The following NPAS3 variants were observed in gnomAD, a reference collection of about 807,000 sequenced individuals.
NPAS3 encodes the protein neuronal PAS domain-containing protein 3.
A neutral mutation model predicts 73.1 loss-of-function variants in NPAS3; 14 were observed. The ratio of observed to expected loss-of-function variants is 0.19; its 90% CI spans 0.13 to 0.30. The LOEUF is 0.30. NPAS3 is among the 10% of genes least tolerant of loss of function. NPAS3 has a pLI of 1.00. For missense variants in NPAS3, 1,096 were observed against 1,250.0 expected, an observed-to-expected ratio of 0.88 and a Z score of 1.86; for synonymous variants, 620 against 541.5, an observed-to-expected ratio of 1.14 and a Z score of -2.01.
At chr14:33,787,952 G>GA (rs202163480) in intron 9 of NPAS3, among the ~76,000 whole-genome samples, 32 of 151,078 alleles carry the variant, frequency 2.1e-4, no homozygotes, top group African/African-American at 7.0e-4. Context: ...GAATTAAAAA[G>GA]AAAAAAAAGG....
intron 2 of NPAS3, among the ~76,000 whole-genome samples, chr14:33,069,139 G>C (rs116339092): frequency 6.6e-6 from 1 of 152,186 alleles, no homozygotes; most frequent in Non-Finnish European, 1.5e-5. Context: ...GGTGTGATTT[G>C]TACCAAGACG....
chr14:33,145,704 T>A (rs577219672), intron 2 of NPAS3, among the ~76,000 whole-genome samples: 142 of 152,278 alleles, frequency 9.3e-4, no homozygotes, highest in African/African-American at 3.2e-3. Flanking sequence ...TGTGTCCTTT[T>A]TGTTTTTCCT....
chr14:33,325,224 T>C lies in NPAS3; in HGVS notation c.386-41962T>C, dbSNP rs1221243021. Among the ~76,000 whole-genome samples the C allele has an allele frequency of 3.9e-5, 6 of 152,286 alleles. No individual in the cohort carries two copies. The East Asian group carries it at 1.2e-3, about 29-fold the overall frequency. On this transcript the variant is annotated intron_variant, in intron 3 of 11. Transcript: ENST00000356141. ...TCCATGTGTATATTTATGGGGTTCATGAGATATTTTGATATAGGCGTGCAG... is the reference window on the plus strand; with the variant it reads ...TCCATGTGTATATTTATGGGGTTCACGAGATATTTTGATATAGGCGTGCAG...
At chr14:33,309,610 A>T (rs1282106708) in intron 3 of NPAS3, among the ~76,000 whole-genome samples, 1 of 152,180 alleles carries the variant, frequency 6.6e-6, no homozygotes, top group Non-Finnish European at 1.5e-5. Flanking sequence ...CCTTTTCTCC[A>T]AATGGGCTGT....
chr14:33,418,561 C>A (rs1359309395), intron 4 of NPAS3, among the ~76,000 whole-genome samples: 2 of 152,012 alleles, frequency 1.3e-5, no homozygotes, highest in Admixed American at 6.6e-5. Context: ...CTCTTACATT[C>A]TTTTCTATAA....
chr14:32,970,575 C>T (rs183515460), intron 1 of NPAS3, among the ~76,000 whole-genome samples: 1 of 152,248 alleles, frequency 6.6e-6, no homozygotes, highest in East Asian at 1.9e-4. Context: ...AACTGGGTGG[C>T]TTAAACAGTG....
intron 6 of NPAS3, among the ~76,000 whole-genome samples, chr14:33,692,357 G>T (rs933216513): frequency 5.3e-5 from 8 of 152,080 alleles, no homozygotes; most frequent in African/African-American, 1.9e-4. Context: ...GTTTCGAAAA[G>T]ATTAAGATTT....
chr14:33,512,415 C>G (rs892211798), intron 4 of NPAS3, among the ~76,000 whole-genome samples: 1 of 151,966 alleles, frequency 6.6e-6, no homozygotes, highest in Admixed American at 6.6e-5. Context: ...TGATCTGAAA[C>G]AAGAAGAAGC....
chr14:33,429,036 G>A (rs1413399390), intron 4 of NPAS3, among the ~76,000 whole-genome samples: 1 of 152,050 alleles, frequency 6.6e-6, no homozygotes, highest in Non-Finnish European at 1.5e-5. Context: ...AACTACAGAT[G>A]TTTGAGCTAA....
At chr14:33,572,539 A>G (rs192028863) in intron 5 of NPAS3, among the ~76,000 whole-genome samples, 1 of 152,296 alleles carries the variant, frequency 6.6e-6, no homozygotes, top group Non-Finnish European at 1.5e-5. Flanking sequence ...TAGCTTGCCC[A>G]AGATCATACA....
chr14:33,417,737 T>C lies in NPAS3; in HGVS notation c.468+50469T>C, dbSNP rs1177066717. Among the ~76,000 whole-genome samples, 3 of 151,846 alleles carry C rather than the reference T, an allele frequency of 2.0e-5. No individual in the cohort carries two copies. The East Asian group carries it at 5.8e-4, about 29-fold the overall frequency. On this transcript the variant is annotated intron_variant, in intron 4 of 11. Transcript: ENST00000356141. ...AACTTTTGTAAGTTATAAAGCAACC[T>C]GGGCAATGTGAATGCCTTTCTGAAA... is the stretch of plus-strand genomic sequence containing the variant.
chr14:32,934,826 C>A, upstream of NPAS3: 1 of 397,384 alleles, frequency 2.5e-6, no homozygotes, highest in Non-Finnish European at 3.4e-6. This position sits in a 1 kb window ranked among gnomAD's most constrained non-coding sequence, Gnocchi z 4.1. Context: ...CCGCCGCGCC[C>A]GGGGGCCGAA....
At chr14:33,674,107 G>A (rs924128528) in intron 5 of NPAS3, among the ~76,000 whole-genome samples, 1 of 152,148 alleles carries the variant, frequency 6.6e-6, no homozygotes, top group Non-Finnish European at 1.5e-5. Flanking sequence ...GCCATACTCC[G>A]GACATTATTG....
rs550124252 is a variant in NPAS3 at position 33,194,851 on chromosome 14, T to A, written c.141-20331T>A. 2.0e-5 allele frequency among the ~76,000 whole-genome samples: 3 copies of A among 152,260 alleles called. No homozygotes were observed. The East Asian group carries it at 5.8e-4, about 29-fold the overall frequency. ...ATATGGCAGTTGCTTTCTGGTCAGT[T>A]GGAGGCTGAACCACCCCATGAGATC... On this transcript the variant is annotated intron_variant, in intron 2 of 11. Coordinates refer to ENST00000356141, the Ensembl canonical transcript of NPAS3.
chr14:33,188,506 G>A (rs2046060042), intron 2 of NPAS3, among the ~76,000 whole-genome samples: 1 of 152,174 alleles, frequency 6.6e-6, no homozygotes, highest in Non-Finnish European at 1.5e-5. Context: ...GTGGTGTGTT[G>A]TAACATTTAT....
intron 4 of NPAS3, among the ~76,000 whole-genome samples, chr14:33,509,806 A>T (rs147069985): frequency 1.3e-5 from 2 of 152,100 alleles, no homozygotes; most frequent in Non-Finnish European, 2.9e-5. Flanking sequence ...TCTTTAGTCC[A>T]TAGAGCCTAT....
At chr14:33,785,616 A>T (rs1005021745) in intron 9 of NPAS3, among the ~76,000 whole-genome samples, 2 of 152,138 alleles carry the variant, frequency 1.3e-5, no homozygotes, top group Non-Finnish European at 2.9e-5. Flanking sequence ...CTCAAAAAAC[A>T]TCAAACTTTT....
intron 4 of NPAS3, among the ~76,000 whole-genome samples, chr14:33,532,475 A>C (rs1299921381): frequency 6.6e-6 from 1 of 152,094 alleles, no homozygotes; most frequent in Non-Finnish European, 1.5e-5. Context: ...ACTTCACTTC[A>C]TCCTGTGAGG....
intron 5 of NPAS3, among the ~76,000 whole-genome samples, chr14:33,620,311 C>T (rs748717588): frequency 6.6e-6 from 1 of 152,118 alleles, no homozygotes; most frequent in Admixed American, 6.6e-5. Context: ...TGTCTCTGTT[C>T]CAAGTTCCTT....
Sources: allele counts gnomAD v4.1 joint callset (sites outside exome capture counted in the v4.1 genomes callset), GRCh38; gene constraint gnomAD v4.1.1; non-coding constraint Gnocchi (gnomAD v3.1); transcripts MANE v1.5; gene names NCBI Gene and HGNC (gene_info 2026-07-23, HGNC 2026-07-21).